The following SUGCT variants were observed in gnomAD, a reference collection of about 807,000 sequenced individuals.
SUGCT encodes succinyl-CoA:glutarate CoA-transferase.
A neutral mutation model predicts 55.0 loss-of-function variants in SUGCT; 41 were observed. That is an observed-to-expected ratio of 0.74 (90% CI 0.58 to 0.97). The LOEUF is 0.97. SUGCT is among the 50% of genes least tolerant of loss of function. SUGCT has a pLI of 0.00. For missense variants in SUGCT, 568 were observed against 547.8 expected, an observed-to-expected ratio of 1.04 and a Z score of -0.37; for synonymous variants, 187 against 200.4, an observed-to-expected ratio of 0.93 and a Z score of 0.56.
the SUGCT span, among the ~76,000 whole-genome samples, chr7:40,935,284 GTA>G: frequency 6.6e-6 from 1 of 152,066 alleles, no homozygotes; most frequent in African/African-American, 2.4e-5. Flanking sequence ...CCCTTTGATA[GTA>G]TACAATTCAT....
chr7:40,974,378 G>T, the SUGCT span, among the ~76,000 whole-genome samples: 2 of 152,138 alleles, frequency 1.3e-5, no homozygotes, highest in Non-Finnish European at 2.9e-5. Context: ...AAAGTGTGGG[G>T]GTGTAATCTG....
intron 12 of SUGCT, among the ~76,000 whole-genome samples, chr7:40,661,033 C>T (rs765621705): frequency 9.2e-5 from 14 of 152,296 alleles, no homozygotes; most frequent in African/African-American, 3.4e-4. Flanking sequence ...AGTGAAAAAA[C>T]ATGCAACTTT....
chr7:40,866,901 A>G, the SUGCT span, among the ~76,000 whole-genome samples: 10 of 151,450 alleles, frequency 6.6e-5, no homozygotes, highest in African/African-American at 2.2e-4. Flanking sequence ...CTCTCATACA[A>G]CCTGGGTGAC....
In SUGCT at chr7:40,579,427, C is replaced by T. The variant is rs537829634; in HGVS notation, c.1089+83041C>T. ...AAGCTGGGAGACAATGCAGCTTTCA[C>T]CCCCACACGTCAGGCCCACGATGGA... On this transcript the variant is annotated intron_variant, in intron 12 of 13. Coordinates refer to ENST00000335693, the MANE Select transcript of SUGCT (RefSeq NM_001193313.2). Among the ~76,000 whole-genome samples the T allele has an allele frequency of 3.3e-5, 5 of 152,276 alleles. No individual in the cohort carries two copies. In the South Asian group the frequency reaches 6.2e-4, roughly 19 times the overall value.
the SUGCT span, among the ~76,000 whole-genome samples, chr7:40,987,251 A>T: frequency 1.3e-5 from 2 of 152,232 alleles, no homozygotes; most frequent in African/African-American, 2.4e-5. Flanking sequence ...CTCATCAGAG[A>T]TGGACAAAGG....
At chr7:40,259,348 G>A (rs1041000595) in intron 7 of SUGCT, among the ~76,000 whole-genome samples, 13 of 152,258 alleles carry the variant, frequency 8.5e-5, no homozygotes, top group Middle Eastern at 3.4e-3. Flanking sequence ...CAGCTTGAGG[G>A]ATACATATAT....
At chr7:40,199,033 C>CTGTGTGTG (rs149582932) in intron 6 of SUGCT, among the ~76,000 whole-genome samples, 2 of 150,102 alleles carry the variant, frequency 1.3e-5, no homozygotes, top group African/African-American at 4.9e-5. Context: ...ATCAGTGTGT[C>CTGTGTGTG]TGTGTGTGTG....
intron 9 of SUGCT, among the ~76,000 whole-genome samples, chr7:40,415,929 T>A (rs1786975966): frequency 1.3e-5 from 2 of 152,188 alleles, no homozygotes; most frequent in South Asian, 4.1e-4. Flanking sequence ...TTATATTTTT[T>A]AATCTTCTTA....
the SUGCT span, among the ~76,000 whole-genome samples, chr7:40,866,622 C>T: frequency 6.6e-6 from 1 of 151,640 alleles, no homozygotes; most frequent in Non-Finnish European, 1.5e-5. Context: ...GACTGAAGCC[C>T]CCATTCTCAG....
At chr7:40,238,143 C>T (rs1313479903) in intron 7 of SUGCT, among the ~76,000 whole-genome samples, 3 of 152,158 alleles carry the variant, frequency 2.0e-5, no homozygotes, top group Non-Finnish European at 4.4e-5. Context: ...AGAGTGCCTT[C>T]ATCTGCCATG....
chr7:40,450,938 T>C (rs1256558997), intron 10 of SUGCT, among the ~76,000 whole-genome samples: 1 of 152,010 alleles, frequency 6.6e-6, no homozygotes, highest in African/African-American at 2.4e-5. Context: ...AGCTGACAAA[T>C]GGAGATAGTT....
In SUGCT at chr7:40,596,485, A is replaced by G. The variant is rs576935433; in HGVS notation, c.1089+100099A>G. Among the ~76,000 whole-genome samples the G allele has an allele frequency of 3.9e-5, 6 of 152,266 alleles. No individual in the cohort carries two copies. In the South Asian group the frequency reaches 8.3e-4, roughly 21 times the overall value. On this transcript the variant is annotated intron_variant, in intron 12 of 13. Transcript: ENST00000335693. ...TTCATTTAGGAAATGGGATCCTTTA[A>G]ACATGCACAAATTATTTCAAGTTGA...
the SUGCT span, among the ~76,000 whole-genome samples, chr7:40,927,138 A>C: frequency 6.6e-6 from 1 of 152,216 alleles, no homozygotes; most frequent in Non-Finnish European, 1.5e-5. Flanking sequence ...AAATTAACCA[A>C]TCTCACATAG....
At chr7:40,188,432 T>TCC (rs60252112) in intron 3 of SUGCT, 63 bp from the exon 4 acceptor site, 1 of 706,286 alleles carries the variant, frequency 1.4e-6, no homozygotes. Flanking sequence ...AGACTCCATC[T>TCC]CCAAAAAAAA....
At chr7:40,886,298 C>T in the SUGCT span, among the ~76,000 whole-genome samples, 1 of 152,242 alleles carries the variant, frequency 6.6e-6, no homozygotes, top group East Asian at 1.9e-4. Context: ...ATAAAATGCA[C>T]AGCATGGTGC....
At chr7:40,150,888 A>G (rs1424661289) in intron 1 of SUGCT, among the ~76,000 whole-genome samples, 1 of 152,190 alleles carries the variant, frequency 6.6e-6, no homozygotes, top group East Asian at 1.9e-4. Flanking sequence ...TAGCCAGGGA[A>G]TTACCATGTA....
rs142499378 is a variant in SUGCT at position 40,464,952 on chromosome 7, G to A, written c.986+5754G>A. 7.6e-3 allele frequency among the ~76,000 whole-genome samples: 1,164 copies of A among 152,262 alleles called. 48 individuals carry two copies. The highest frequency in any genetic ancestry group is 0.059 in the Admixed American group (903 of 15,294). On this transcript the variant is annotated intron_variant, in intron 11 of 13. Transcript: ENST00000335693. Reference sequence around the variant, plus strand: ...TAAGTTAAGGATTATCTATAGTTTGGAGAGATGCAGTTGACAATTTTCAAG... The same window carrying A: ...TAAGTTAAGGATTATCTATAGTTTGAAGAGATGCAGTTGACAATTTTCAAG...
chr7:40,896,095 T>C, the SUGCT span, among the ~76,000 whole-genome samples: 1 of 152,176 alleles, frequency 6.6e-6, no homozygotes, highest in Non-Finnish European at 1.5e-5. Flanking sequence ...AGAAAAATTC[T>C]AAAGATTCCA....
the SUGCT span, among the ~76,000 whole-genome samples, chr7:40,927,387 G>A: frequency 6.6e-6 from 1 of 152,134 alleles, no homozygotes; most frequent in South Asian, 2.1e-4. Flanking sequence ...TGGGAAAAGG[G>A]GAGTCAGAAC....
Sources: allele counts gnomAD v4.1 joint callset (sites outside exome capture counted in the v4.1 genomes callset), GRCh38; gene constraint gnomAD v4.1.1; transcripts MANE v1.5; gene names NCBI Gene and HGNC (gene_info 2026-07-23, HGNC 2026-07-21).